RASSF8: variants seen among roughly 807,000 people sequenced by gnomAD.
RASSF8 encodes the protein Ras association domain family member 8.
A neutral mutation model predicts 48.5 loss-of-function variants in RASSF8; 22 were observed. That is an observed-to-expected ratio of 0.45 (90% CI 0.32 to 0.65). RASSF8 has a LOEUF of 0.65. RASSF8 is among the 30% of genes least tolerant of loss of function. The pLI is 0.03. For missense variants in RASSF8, 418 were observed against 489.2 expected (o/e 0.85, Z 1.37); for synonymous variants, 127 against 171.5 (o/e 0.74, Z 2.03).
intron 3 of RASSF8, 52 bp downstream of exon 3, chr12:26,055,498 T>C (rs768473352): frequency 2.1e-5 from 29 of 1,405,378 alleles, no homozygotes; most frequent in Non-Finnish European, 2.6e-5. Flanking sequence ...TTTCTTTCGT[T>C]GTATGTGTTT....
rs892978494 is a variant in RASSF8, at chr12:26,071,136, A to G, written c.*2318A>G. The G allele has an allele frequency of 2.1e-6, 2 of 975,478 alleles. No individual in the cohort carries two copies. The highest frequency in any genetic ancestry group is 1.8e-5 in the African/African-American group (1 of 56,966). 60.4% of individuals were successfully genotyped at this position (975,478 alleles called of 1,614,324 possible). A position where few individuals can be genotyped will look rare whatever the true frequency, so the allele number is the denominator to read the frequency against. ...GAGAAGCTGTACTTTTTAATTAGTT[A>G]TATTACTTCTGGAAGCACATATCTA... is the stretch of plus-strand genomic sequence containing the variant. On this transcript the variant is annotated 3_prime_UTR_variant, in exon 6 of 6. Transcript: ENST00000689635.
intron 3 of RASSF8, among the ~76,000 whole-genome samples, chr12:26,056,212 T>A (rs1437745907): frequency 6.6e-6 from 1 of 152,164 alleles, no homozygotes; most frequent in Non-Finnish European, 1.5e-5. Flanking sequence ...AATCTTATTA[T>A]ACAGTGAAAA....
At chr12:26,053,469 C>A (rs1376299752) in intron 2 of RASSF8, among the ~76,000 whole-genome samples, 1 of 152,088 alleles carries the variant, frequency 6.6e-6, no homozygotes, top group Non-Finnish European at 1.5e-5. Flanking sequence ...GGAAACAAGT[C>A]AGAACTTTTC....
intron 2 of RASSF8, among the ~76,000 whole-genome samples, chr12:26,035,370 T>G (rs1340600502): frequency 6.8e-6 from 1 of 146,918 alleles, no homozygotes; most frequent in Non-Finnish European, 1.5e-5. Context: ...AAAGATGAAA[T>G]TATATAATCA....
intron 1 of RASSF8, among the ~76,000 whole-genome samples, chr12:25,994,455 G>T (rs897436669): frequency 3.9e-5 from 6 of 152,146 alleles, no homozygotes; most frequent in African/African-American, 1.2e-4. Context: ...AGCTAATGTT[G>T]TGGCAAAGTT....
chr12:26,067,406 C>T (rs1293347358), intron 4 of RASSF8, among the ~76,000 whole-genome samples, 163 bp from the exon 5 acceptor site: 4 of 152,164 alleles, frequency 2.6e-5, no homozygotes, highest in Admixed American at 6.5e-5. Flanking sequence ...TGAAAGTGAC[C>T]TCTTTAGCCC....
rs541136328 is a variant in RASSF8 at position 26,043,104 on chromosome 12, G to A, written c.-108-12132G>A. ...TTCTGTGCCAGCCACTATGCTGAGG[G>A]GTTCCAGAGGTAATAGGACAATCAG... On this transcript the variant is annotated intron_variant, in intron 2 of 5. Transcript: ENST00000689635. Among the ~76,000 whole-genome samples the A allele has an allele frequency of 2.0e-5, 3 of 152,250 alleles. No individual in the cohort carries two copies. In the South Asian group the frequency reaches 6.2e-4, roughly 32 times the overall value.
intron 2 of RASSF8, among the ~76,000 whole-genome samples, chr12:26,047,899 G>T (rs1943405646): frequency 1.3e-5 from 2 of 152,316 alleles, no homozygotes; most frequent in South Asian, 4.1e-4. Context: ...GGTAGGTCAG[G>T]TTGCAAGCAG....
chr12:26,039,494 T>C (rs1162898274), intron 2 of RASSF8, among the ~76,000 whole-genome samples: 1 of 152,134 alleles, frequency 6.6e-6, no homozygotes, highest in African/African-American at 2.4e-5. Context: ...GGGTCGGTGT[T>C]GCAAAATGAT....
At chr12:26,020,053 A>C (rs531835572) in intron 2 of RASSF8, 7 of 152,256 alleles carry the variant, frequency 4.6e-5, no homozygotes, top group African/African-American at 1.7e-4. Flanking sequence ...TTTATGGCAA[A>C]ATAGAGAATA....
intron 2 of RASSF8, among the ~76,000 whole-genome samples, chr12:26,010,770 ATGAT>A (rs1009953229): frequency 3.9e-5 from 6 of 152,086 alleles, no homozygotes; most frequent in African/African-American, 1.2e-4. Context: ...AGGGCGGGGA[ATGAT>A]TGATTCTGGG....
chr12:25,985,919 G>A (rs956021713), intron 1 of RASSF8, among the ~76,000 whole-genome samples: 5 of 152,150 alleles, frequency 3.3e-5, no homozygotes, highest in African/African-American at 7.2e-5. Flanking sequence ...TGTGCCTCTC[G>A]TATCATCAGA....
intron 2 of RASSF8, among the ~76,000 whole-genome samples, chr12:26,018,746 G>A (rs1291215838): frequency 6.6e-6 from 1 of 152,192 alleles, no homozygotes; most frequent in Non-Finnish European, 1.5e-5. Context: ...ATTACAATGA[G>A]GAAGTAAATT....
At position 26,025,562 on chromosome 12, in the gene RASSF8, CAAA is replaced by C. The variant is rs34036145; in HGVS notation, c.-108-29658_-108-29656del. ...TGGGCGACAGAGTGAGACTCTGTCT[CAAA>C]AAAAAAAAAAAAAAAGCATTCAGAT... On this transcript the variant is annotated intron_variant, in intron 2 of 5. Transcript: ENST00000689635. 3.1e-3 allele frequency among the ~76,000 whole-genome samples: 309 copies of C among 100,684 alleles called. 2 individuals are homozygous for C. Among genetic ancestry groups the C allele is most frequent in the African/African-American group, 0.01 (263 of 26,136 alleles). The allele number at this position is 100,684 out of a possible 152,430, so 66.1% of individuals were successfully genotyped here.
At chr12:26,063,410 T>C (rs140224289) in intron 3 of RASSF8, among the ~76,000 whole-genome samples, 1 of 152,104 alleles carries the variant, frequency 6.6e-6, no homozygotes, top group Non-Finnish European at 1.5e-5. Context: ...GTTTTGTTTT[T>C]TTTTTGAGAC....
intron 2 of RASSF8, among the ~76,000 whole-genome samples, chr12:26,008,131 G>A (rs1388583315): frequency 6.6e-6 from 1 of 152,070 alleles, no homozygotes; most frequent in African/African-American, 2.4e-5. Flanking sequence ...AAATTAGTCA[G>A]GTGTGGTGGC....
chr12:26,031,562 G>A (rs567315484), intron 2 of RASSF8, among the ~76,000 whole-genome samples: 2 of 152,154 alleles, frequency 1.3e-5, no homozygotes, highest in South Asian at 4.1e-4. Flanking sequence ...TCACAGAGAG[G>A]TGTAAGCAAC....
At chr12:26,018,846 C>A (rs916822755) in intron 2 of RASSF8, among the ~76,000 whole-genome samples, 1 of 152,216 alleles carries the variant, frequency 6.6e-6, no homozygotes, top group African/African-American at 2.4e-5. Context: ...TCATGAGTTG[C>A]TTGAGTTGAT....
At chr12:25,973,229 G>C (rs1209938545) in intron 1 of RASSF8, among the ~76,000 whole-genome samples, 1 of 151,528 alleles carries the variant, frequency 6.6e-6, no homozygotes, top group African/African-American at 2.4e-5. Flanking sequence ...AGAAGCAAAG[G>C]CTAGTTTATT....
Sources: gnomAD v4.1 joint callset for allele counts (sites outside exome capture counted in the v4.1 genomes callset) on GRCh38, gnomAD v4.1.1 for gene constraint, MANE v1.5 for transcripts, NCBI Gene and HGNC (gene_info 2026-07-23, HGNC 2026-07-21) for gene names.